Variants in PXDNL observed in about 807,000 individuals in gnomAD.
PXDNL encodes the protein peroxidasin like.
Under a neutral mutation model 150.8 loss-of-function variants are expected in PXDNL, and 145 were observed. The ratio of observed to expected loss-of-function variants is 0.96; its 90% confidence interval spans 0.84 to 1.10. PXDNL has a LOEUF of 1.10. PXDNL is among the 50% of genes least tolerant of loss of function. The pLI, the probability that PXDNL is intolerant of heterozygous loss-of-function variation, is 0.00. For synonymous variants in PXDNL, 757 were observed against 725.7 expected, an observed-to-expected ratio of 1.04 and a Z score of -0.69; for missense variants, 2,087 against 1,873.9, an observed-to-expected ratio of 1.11 and a Z score of -2.10.
At chr8:51,423,146 T>C (rs1809001076) in intron 14 of PXDNL, among the ~76,000 whole-genome samples, 1 of 152,218 alleles carries the variant, frequency 6.6e-6, no homozygotes, top group South Asian at 2.1e-4. Flanking sequence ...GTTCTAGTGG[T>C]TGTAAAGTTT....
chr8:51,692,239 ATTAGATT>A (rs1204339757), intron 1 of PXDNL, among the ~76,000 whole-genome samples: 1 of 152,220 alleles, frequency 6.6e-6, no homozygotes, highest in African/African-American at 2.4e-5. Flanking sequence ...TCCAATACCA[ATTAGATT>A]TGCTAATTAT....
chr8:51,367,946 G>T (rs962726408), intron 19 of PXDNL, among the ~76,000 whole-genome samples: 1 of 152,104 alleles, frequency 6.6e-6, no homozygotes, highest in Admixed American at 6.6e-5. Context: ...TGATCAACAT[G>T]GAGAAACCAC....
intron 3 of PXDNL, among the ~76,000 whole-genome samples, chr8:51,579,149 C>CTG (rs1240260809): frequency 6.6e-6 from 1 of 151,908 alleles, no homozygotes; most frequent in Admixed American, 6.6e-5. Flanking sequence ...TCAAAAGACC[C>CTG]TGTTAAGAAG....
chr8:51,511,564 G>A (rs1014048944), intron 4 of PXDNL, among the ~76,000 whole-genome samples: 29 of 152,112 alleles, frequency 1.9e-4, no homozygotes, highest in African/African-American at 6.5e-4. Flanking sequence ...CCAAGCTTAT[G>A]TACAGAGATA....
intron 1 of PXDNL, among the ~76,000 whole-genome samples, chr8:51,757,507 A>G (rs1431903230): frequency 6.6e-6 from 1 of 152,180 alleles, no homozygotes; most frequent in Non-Finnish European, 1.5e-5. Context: ...TGTGATTTTG[A>G]TCAGTATTTC....
chr8:51,383,737 CAG>C (rs1247692606), intron 17 of PXDNL, among the ~76,000 whole-genome samples: 1 of 152,000 alleles, frequency 6.6e-6, no homozygotes, highest in African/African-American at 2.4e-5. Context: ...TTTTGATATA[CAG>C]AGAGTTGAAA....
chr8:51,678,867 T>TA (rs954981039), intron 1 of PXDNL, among the ~76,000 whole-genome samples: 225 of 151,706 alleles, frequency 1.5e-3, no homozygotes, highest in Admixed American at 2.5e-3. Context: ...TAAAGTATAA[T>TA]AAAAAAAAAT....
At chr8:51,773,269 T>A (rs995465686) in intron 1 of PXDNL, among the ~76,000 whole-genome samples, 7 of 152,142 alleles carry the variant, frequency 4.6e-5, no homozygotes, top group African/African-American at 1.7e-4. Flanking sequence ...GCTTCTTTTT[T>A]AAAAAATCAT....
intron 4 of PXDNL, among the ~76,000 whole-genome samples, chr8:51,511,562 A>G (rs1811418664): frequency 6.6e-6 from 1 of 152,106 alleles, no homozygotes; most frequent in Non-Finnish European, 1.5e-5. Flanking sequence ...TCCCAAGCTT[A>G]TGTACAGAGA....
Position 51,605,080 on chromosome 8 carries a change from C to T in PXDNL, c.237-12382G>A, listed in dbSNP as rs191529211. On this transcript the variant is annotated intron_variant, in intron 2 of 22. Transcript: ENST00000356297. Reference sequence around the variant, plus strand: ...TTACTCAATATTTATAAATTGCCCGCGATCAGCAGCTAGTAATTTTGTATT... The same window carrying T: ...TTACTCAATATTTATAAATTGCCCGTGATCAGCAGCTAGTAATTTTGTATT... Among the ~76,000 whole-genome samples the T allele has an allele frequency of 1.2e-3, 175 of 152,152 alleles. 1 individual carries two copies. Among genetic ancestry groups the T allele is most frequent in the Admixed American group, 8.7e-3 (133 of 15,278 alleles).
chr8:51,796,147 C>A (rs566095724), intron 1 of PXDNL, among the ~76,000 whole-genome samples: 2 of 152,116 alleles, frequency 1.3e-5, no homozygotes, highest in South Asian at 4.2e-4. Context: ...TCCCACCAGC[C>A]TGAATGAACC....
At position 51,449,033 on chromosome 8, in the gene PXDNL, G is replaced by C. The variant is rs779104795; in HGVS notation, c.1335C>G (p.Asn445Lys). 35 of 1,550,562 alleles carry C rather than the reference G, an allele frequency of 2.3e-5. No homozygotes were observed. Among genetic ancestry groups the C allele is most frequent in the Non-Finnish European group, 3.0e-5 (34 of 1,145,784 alleles). ...AVEWLCEADGNPPPVIVWTKT... is the reference protein window; with the variant it reads ...AVEWLCEADGKPPPVIVWTKT... The stretch of plus-strand genomic sequence containing the variant: ...TTGTCCAGACAATAACAGGAGGTGG[G>C]TTGCCGTCAGCTTCACAGAGCCACT... The change falls in exon 11 of 23, where the codon AAC (asparagine) becomes AAG (lysine). Residue 445 changes from asparagine to lysine, a missense_variant. Transcript: ENST00000356297.
intron 2 of PXDNL, among the ~76,000 whole-genome samples, chr8:51,608,578 C>T (rs1281764544): frequency 6.7e-6 from 1 of 148,204 alleles, no homozygotes; most frequent in African/African-American, 2.6e-5. Context: ...TGGCTCACGC[C>T]TGTAATCCCA....
At chr8:51,640,802 G>A (rs1448663790) in intron 2 of PXDNL, among the ~76,000 whole-genome samples, 1 of 151,992 alleles carries the variant, frequency 6.6e-6, no homozygotes, top group Admixed American at 6.6e-5. Flanking sequence ...TAGATTCAAT[G>A]CCATCCCCAT....
intron 1 of PXDNL, among the ~76,000 whole-genome samples, chr8:51,765,908 AT>A (rs2037224623): frequency 6.7e-6 from 1 of 150,102 alleles, no homozygotes; most frequent in Non-Finnish European, 1.5e-5. Flanking sequence ...CAGTGGTGCG[AT>A]TTCAGCTCAC....
chr8:51,556,722 T>C (rs1226732396), intron 4 of PXDNL, 118 bp downstream of exon 4: 1 of 670,968 alleles, frequency 1.5e-6, no homozygotes, highest in Non-Finnish European at 2.7e-6. Context: ...TATTCAATCA[T>C]TCAAGCCACA....
chr8:51,738,947 C>G (rs1308763701), intron 1 of PXDNL, among the ~76,000 whole-genome samples: 4 of 151,804 alleles, frequency 2.6e-5, no homozygotes, highest in African/African-American at 9.7e-5. Flanking sequence ...AAAAAGAAAA[C>G]TACACACCAA....
In PXDNL at chr8:51,339,746, C is replaced by A; in HGVS notation, c.4024G>T (p.Asp1342Tyr). 1 of 1,595,378 alleles carries A rather than the reference C, an allele frequency of 6.3e-7. No individual in the cohort carries two copies. Among genetic ancestry groups the A allele is most frequent in the South Asian group, 1.1e-5 (1 of 86,992 alleles). ...ELSHLRSRQQDKIYVGEDARN... is the reference protein window; with the variant it reads ...ELSHLRSRQQYKIYVGEDARN... ...GCATCTTCACCCACATATATTTTAT[C>A]TTGTTGCCTATTTATAACAAGAAGC... is the stretch of plus-strand genomic sequence containing the variant. The change falls in exon 21 of 23, where the codon GAT becomes TAT. Residue 1342 changes from aspartate (D) to tyrosine (Y), a missense_variant. Transcript: ENST00000356297.
chr8:51,606,800 CAT>C (rs1361164742), intron 2 of PXDNL, among the ~76,000 whole-genome samples: 4 of 151,968 alleles, frequency 2.6e-5, no homozygotes, highest in Admixed American at 6.6e-5. Flanking sequence ...ATTATTTTCA[CAT>C]GTCTTTGCAA....
Sources: gnomAD v4.1 joint callset for allele counts (sites outside exome capture counted in the v4.1 genomes callset) on GRCh38, gnomAD v4.1.1 for gene constraint, MANE v1.5 for transcripts, NCBI Gene and HGNC (gene_info 2026-07-23, HGNC 2026-07-21) for gene names.